EPS15: variants seen among roughly 807,000 people sequenced by gnomAD.
The protein encoded by EPS15 is epidermal growth factor receptor pathway substrate 15, also known as epidermal growth factor receptor substrate 15.
Under a neutral mutation model 113.8 loss-of-function variants are expected in EPS15, and 72 were observed. That is an observed-to-expected ratio of 0.63 (90% CI 0.52 to 0.77). The LOEUF is 0.77. EPS15 is among the 30% of genes least tolerant of loss of function. The probability of loss-of-function intolerance (pLI) is 0.00; values close to 1 mark genes in which losing one functional copy is unlikely to be tolerated. For synonymous variants in EPS15, 344 were observed against 363.4 expected (o/e 0.95, Z 0.61); for missense variants, 1,048 against 1,045.8 (o/e 1.00, Z -0.03).
At chr1:51,501,204 G>C (rs1644407442) in intron 1 of EPS15, among the ~76,000 whole-genome samples, 2 of 150,508 alleles carry the variant, frequency 1.3e-5, no homozygotes, top group African/African-American at 4.9e-5. Context: ...GTTCAGGAGT[G>C]GGAGACCAGC....
At chr1:51,422,163 A>T in intron 12 of EPS15, 6 of 588,410 alleles carry the variant, frequency 1.0e-5, no homozygotes, top group Non-Finnish European at 1.4e-5. Flanking sequence ...GTTGCTATGG[A>T]AATAGTGTCC....
intron 21 of EPS15, among the ~76,000 whole-genome samples, chr1:51,377,891 T>G (rs1421147339): frequency 6.6e-6 from 1 of 150,470 alleles, no homozygotes; most frequent in African/African-American, 2.5e-5. Context: ...CAAATAATCA[T>G]TAGCTTTTTT....
chr1:51,384,137 T>G (rs1018111261), intron 21 of EPS15, among the ~76,000 whole-genome samples: 1 of 152,146 alleles, frequency 6.6e-6, no homozygotes, highest in African/African-American at 2.4e-5. Flanking sequence ...TATTTTTAAG[T>G]TGGTAATATT....
intron 21 of EPS15, among the ~76,000 whole-genome samples, chr1:51,389,059 A>G (rs1647183154): frequency 1.3e-5 from 2 of 152,258 alleles, no homozygotes; most frequent in Admixed American, 6.5e-5. Context: ...CATTGATGCA[A>G]AAATCCTCAA....
At position 51,484,806 on chromosome 1, in the gene EPS15, G is replaced by C. The variant is rs562114088; in HGVS notation, c.34-3492C>G. On this transcript the variant is annotated intron_variant, in intron 1 of 24. Transcript: ENST00000371733. ...ACCTGGTATGCCAGGCAGTGCAGTG[G>C]CATGTACAGTGACCACAAGACACAC... Among the ~76,000 whole-genome samples the C allele has an allele frequency of 4.6e-5, 7 of 152,198 alleles. No homozygotes were observed. The South Asian group carries it at 1.4e-3, about 32-fold the overall frequency.
At chr1:51,417,557 T>C (rs1351852194) in intron 13 of EPS15, among the ~76,000 whole-genome samples, 1 of 152,172 alleles carries the variant, frequency 6.6e-6, no homozygotes, top group Admixed American at 6.5e-5. Context: ...GCTATACACA[T>C]CACACCAAGC....
intron 23 of EPS15, 60 bp from the exon 24 acceptor site, chr1:51,361,415 G>A (rs990824644): frequency 7.7e-6 from 10 of 1,297,456 alleles, no homozygotes; most frequent in African/African-American, 5.8e-5. Context: ...AAGCACACAA[G>A]AACATGTACA....
At chr1:51,515,468 T>A (rs2148571805) in intron 1 of EPS15, among the ~76,000 whole-genome samples, 1 of 150,216 alleles carries the variant, frequency 6.7e-6, no homozygotes, top group East Asian at 2.0e-4. Context: ...TGTGATCCTG[T>A]CTCAAAACAA....
At chr1:51,500,440 T>C (rs1188553113) in intron 1 of EPS15, among the ~76,000 whole-genome samples, 1 of 152,200 alleles carries the variant, frequency 6.6e-6, no homozygotes, top group South Asian at 2.1e-4. Flanking sequence ...TCTCCACGTC[T>C]TCATCAATAT....
chr1:51,447,819 G>T, intron 9 of EPS15: 1 of 208,844 alleles, frequency 4.8e-6, no homozygotes, highest in Non-Finnish European at 8.3e-6. Context: ...CAGGTTCAAC[G>T]AGATGGTGCT....
At chr1:51,453,255 A>C (rs983902036) in intron 8 of EPS15, among the ~76,000 whole-genome samples, 3 of 152,202 alleles carry the variant, frequency 2.0e-5, no homozygotes, top group Non-Finnish European at 2.9e-5. Context: ...GGACACTAGA[A>C]GCGAAAAAGC....
At chr1:51,505,541 G>C (rs1443658422) in intron 1 of EPS15, among the ~76,000 whole-genome samples, 1 of 152,154 alleles carries the variant, frequency 6.6e-6, no homozygotes, top group South Asian at 2.1e-4. Flanking sequence ...GAGGGTGATA[G>C]CTGAGGGGTA....
At chr1:51,462,373 A>G (rs1654524708) in intron 7 of EPS15, among the ~76,000 whole-genome samples, 1 of 142,196 alleles carries the variant, frequency 7.0e-6, no homozygotes, top group African/African-American at 2.5e-5. Flanking sequence ...CAAAAAAAGA[A>G]AAAAAAAAAA....
At chr1:51,365,490 C>T (rs1646489142) in intron 22 of EPS15, among the ~76,000 whole-genome samples, 1 of 152,192 alleles carries the variant, frequency 6.6e-6, no homozygotes, top group Non-Finnish European at 1.5e-5. Flanking sequence ...ATCACAGCCA[C>T]AGTGGAAAGT....
At chr1:51,402,785 T>C (rs1166911936) in intron 17 of EPS15, among the ~76,000 whole-genome samples, 1 of 151,804 alleles carries the variant, frequency 6.6e-6, no homozygotes, top group Admixed American at 6.6e-5. Context: ...TAGCTGGGCA[T>C]GTGCAGCTAC....
At chr1:51,509,819 A>T (rs1644586428) in intron 1 of EPS15, among the ~76,000 whole-genome samples, 1 of 152,214 alleles carries the variant, frequency 6.6e-6, no homozygotes, top group South Asian at 2.1e-4. Flanking sequence ...ATTTTCACAT[A>T]GGAAGATGTA....
chr1:51,368,981 G>A (rs1039731777), intron 21 of EPS15, among the ~76,000 whole-genome samples: 5 of 152,180 alleles, frequency 3.3e-5, no homozygotes, highest in African/African-American at 9.7e-5. Flanking sequence ...GGGAAAAAGA[G>A]TTGGGCTCAT....
chr1:51,377,193 G>A (rs1261440580), intron 21 of EPS15, among the ~76,000 whole-genome samples: 1 of 152,174 alleles, frequency 6.6e-6, no homozygotes, highest in Admixed American at 6.6e-5. Flanking sequence ...GAACCCAAGA[G>A]GCGGAAGTTG....
At chr1:51,436,035 A>G (rs1461634769) in intron 12 of EPS15, among the ~76,000 whole-genome samples, 4 of 152,240 alleles carry the variant, frequency 2.6e-5, no homozygotes, top group African/African-American at 9.6e-5. Flanking sequence ...CGACTGGAGA[A>G]AGGGAACAAA....
Sources: allele counts gnomAD v4.1 joint callset (sites outside exome capture counted in the v4.1 genomes callset), GRCh38; gene constraint gnomAD v4.1.1; transcripts MANE v1.5; gene names NCBI Gene and HGNC (gene_info 2026-07-23, HGNC 2026-07-21).